Variants in KANSL1L observed in about 807,000 individuals in gnomAD.
KANSL1L encodes KAT8 regulatory NSL complex subunit 1-like protein.
In KANSL1L, 25 loss-of-function variants were observed where a neutral mutation model predicts 108.6. The ratio of observed to expected loss-of-function variants is 0.23; its 90% CI spans 0.17 to 0.32. The LOEUF (loss-of-function observed/expected upper bound fraction) is 0.32. Ranked by LOEUF, KANSL1L falls within the 10% of genes least tolerant of loss-of-function variation. The pLI is 1.00. For missense variants in KANSL1L, 1,137 were observed against 1,125.7 expected, an observed-to-expected ratio of 1.01 and a Z score of -0.14; for synonymous variants, 405 against 395.1, an observed-to-expected ratio of 1.03 and a Z score of -0.30.
intron 4 of KANSL1L, 37 bp downstream of exon 4, chr2:210,104,067 T>C (rs1016526604): frequency 6.7e-7 from 1 of 1,487,312 alleles, no homozygotes; most frequent in Admixed American, 1.7e-5. Context: ...CAATGAAAAG[T>C]CATTTCATAC....
intron 2 of KANSL1L, chr2:210,152,551 C>G (rs1022291341): frequency 2.0e-5 from 3 of 152,160 alleles, no homozygotes; most frequent in African/African-American, 7.2e-5. Flanking sequence ...CAAGTACATG[C>G]CCCAAAAGGC....
chr2:210,044,110 AG>A lies in KANSL1L; in HGVS notation c.1756-7del. 1 of 1,572,800 alleles carries A rather than the reference AG, an allele frequency of 6.4e-7. No homozygotes were observed. The highest frequency in any genetic ancestry group is 8.6e-7 in the Non-Finnish European group (1 of 1,159,624). ...GTTTCTTTTGAAGGCAAAGTCTGCAAGGAAAAACCGTATTAGAATATCACAG... is the reference window on the plus strand; with the variant it reads ...GTTTCTTTTGAAGGCAAAGTCTGCAAGAAAAACCGTATTAGAATATCACAG... On this transcript the variant is annotated splice_region_variant and splice_polypyrimidine_tract_variant and intron_variant, in intron 6 of 14. Coordinates refer to ENST00000281772, the MANE Select transcript of KANSL1L (RefSeq NM_152519.4). This position sits in a 1 kb window ranked among gnomAD's most constrained non-coding sequence, Gnocchi z 4.2.
chr2:210,129,570 T>C (rs546834980), intron 2 of KANSL1L, among the ~76,000 whole-genome samples: 4 of 152,356 alleles, frequency 2.6e-5, no homozygotes, highest in African/African-American at 4.8e-5. Flanking sequence ...TCCATTTGAA[T>C]GGTGCTAAAT....
At chr2:210,148,081 T>C (rs570786092) in intron 2 of KANSL1L, among the ~76,000 whole-genome samples, 17 of 152,282 alleles carry the variant, frequency 1.1e-4, no homozygotes, top group African/African-American at 4.1e-4. Flanking sequence ...TATTTACATA[T>C]CTAAGTAAAA....
At chr2:210,081,697 T>C (rs1026173238) in intron 5 of KANSL1L, among the ~76,000 whole-genome samples, 3 of 152,204 alleles carry the variant, frequency 2.0e-5, no homozygotes, top group African/African-American at 7.2e-5. Context: ...GGAGAAATAC[T>C]GTACATACAC....
intron 1 of KANSL1L, among the ~76,000 whole-genome samples, chr2:210,160,803 C>T (rs2095357345): frequency 6.6e-6 from 1 of 151,930 alleles, no homozygotes; most frequent in South Asian, 2.1e-4. Flanking sequence ...CAAGCTAATT[C>T]AAAGATTTAT....
At chr2:210,142,197 A>T (rs1266206407) in intron 2 of KANSL1L, among the ~76,000 whole-genome samples, 1 of 151,744 alleles carries the variant, frequency 6.6e-6, no homozygotes, top group African/African-American at 2.4e-5. Context: ...GCTATTGGTT[A>T]GTTCCAATTT....
rs187792611 is a variant in KANSL1L at position 210,084,291 on chromosome 2, G to A, written c.1551-8535C>T. The stretch of plus-strand genomic sequence containing the variant: ...ACAAAAATTTGCCAGGTGTGATGGC[G>A]GGCACCTGTAATCCTAGCTGTTCAG... On this transcript the variant is annotated intron_variant, in intron 5 of 14. Transcript: ENST00000281772. Among the ~76,000 whole-genome samples, 284 of 152,076 alleles carry A rather than the reference G, an allele frequency of 1.9e-3. 4 individuals are homozygous for A. Among genetic ancestry groups the A allele is most frequent in the South Asian group, 5.4e-3 (26 of 4,822 alleles).
At chr2:210,155,322 G>C (rs1327765774) in intron 1 of KANSL1L, 1 of 152,226 alleles carries the variant, frequency 6.6e-6, no homozygotes, top group African/African-American at 2.4e-5. Context: ...TGAGGCAGGA[G>C]AATCACTTCA....
At chr2:210,068,300 T>G (rs1188273584) in intron 6 of KANSL1L, among the ~76,000 whole-genome samples, 1 of 144,904 alleles carries the variant, frequency 6.9e-6, no homozygotes, top group East Asian at 1.9e-4. Flanking sequence ...TTTTTTCTTG[T>G]TTTTTTTAGC....
chr2:210,129,958 G>A (rs2095105142), intron 2 of KANSL1L, among the ~76,000 whole-genome samples: 1 of 146,166 alleles, frequency 6.8e-6, no homozygotes, highest in Admixed American at 7.0e-5. Flanking sequence ...GGTGGTATAT[G>A]TGTGTGATAT....
chr2:210,091,051 G>C (rs1453757583), intron 5 of KANSL1L, among the ~76,000 whole-genome samples: 1 of 152,092 alleles, frequency 6.6e-6, no homozygotes, highest in Admixed American at 6.6e-5. Context: ...CTAAAAGTAT[G>C]TAAGATGACT....
intron 1 of KANSL1L, among the ~76,000 whole-genome samples, chr2:210,164,432 TG>T (rs1417938543): frequency 4.6e-5 from 7 of 152,154 alleles, no homozygotes; most frequent in African/African-American, 1.7e-4. Context: ...TACACATAAT[TG>T]GGCAGGAGTA....
In KANSL1L at chr2:210,154,315, T is replaced by G. The variant is rs1479233323; in HGVS notation, c.268A>C (p.Asn90His). Residue 90 changes from asparagine (N) to histidine (H), a missense_variant, in exon 2 of 15, where the codon AAT becomes CAT. Physicochemically the swap from Asn to His is moderately conservative, Grantham distance 68 (BLOSUM62 1). This residue lies in a region of KANSL1L where 556 missense variants were observed against 537.7 expected (regional missense o/e 1.03). Transcript: ENST00000281772. ...VFLMRSNSTLNKHNENYKQKK... is the reference protein window; with the variant it reads ...VFLMRSNSTLHKHNENYKQKK... Reference sequence around the variant, plus strand: ...TGTTTATAATTCTCATTGTGTTTATTTAATGTAGAATTAGATCTCATTAAA... The same window carrying G: ...TGTTTATAATTCTCATTGTGTTTATGTAATGTAGAATTAGATCTCATTAAA... The G allele has an allele frequency of 6.2e-7, 1 of 1,612,790 alleles. No homozygotes were observed. The highest frequency in any genetic ancestry group is 2.2e-5 in the East Asian group (1 of 44,860).
chr2:210,136,228 A>C (rs564814665), intron 2 of KANSL1L, among the ~76,000 whole-genome samples: 72 of 152,288 alleles, frequency 4.7e-4, no homozygotes, highest in Non-Finnish European at 9.6e-4. Flanking sequence ...AATTAAAAAT[A>C]ATTCATATAT....
chr2:210,159,045 A>C (rs1575640823), intron 1 of KANSL1L, among the ~76,000 whole-genome samples: 1 of 152,238 alleles, frequency 6.6e-6, no homozygotes, highest in South Asian at 2.1e-4. Context: ...AATCTATTTG[A>C]CATACAGAAG....
At chr2:210,047,650 G>GT (rs988789308) in intron 6 of KANSL1L, among the ~76,000 whole-genome samples, 19 of 152,278 alleles carry the variant, frequency 1.2e-4, no homozygotes, top group African/African-American at 4.6e-4. Context: ...TCATTTAATA[G>GT]TTTTTCCCAT....
chr2:210,154,114 T>C lies in KANSL1L; in HGVS notation c.469A>G (p.Ile157Val), dbSNP rs1047402313. ...TTATCTACATTAGTGTCTTTGGTTA[T>C]ATTTGAATCCAGAATAATTTGTACA... ...KDVQIILDSN[I>V]TKDTNVDKVQ... Residue 157 changes from isoleucine to valine, a missense_variant, in exon 2 of 15, where the codon ATA (isoleucine) becomes GTA (valine). Ile to Val is a conservative substitution (Grantham distance 29). Coordinates refer to ENST00000281772, the MANE Select transcript of KANSL1L (RefSeq NM_152519.4). 3.1e-6 allele frequency: 5 copies of C among 1,613,994 alleles called. No homozygotes were observed. Among genetic ancestry groups the C allele is most frequent in the Admixed American group, 1.7e-5 (1 of 59,994 alleles).
chr2:210,056,649 T>C (rs924606318), intron 6 of KANSL1L, among the ~76,000 whole-genome samples: 1 of 152,074 alleles, frequency 6.6e-6, no homozygotes, highest in African/African-American at 2.4e-5. Flanking sequence ...TCCAGCTAAT[T>C]TTTATATTTT....
Sources: allele counts gnomAD v4.1 joint callset (sites outside exome capture counted in the v4.1 genomes callset), GRCh38; gene constraint gnomAD v4.1.1; regional missense constraint gnomAD v4.1.1; non-coding constraint Gnocchi (gnomAD v3.1); transcripts MANE v1.5; gene names NCBI Gene and HGNC (gene_info 2026-07-23, HGNC 2026-07-21).